Variants in NDUFA9 observed in about 807,000 individuals in gnomAD.
NDUFA9 encodes the protein NADH dehydrogenase [ubiquinone] 1 alpha subcomplex subunit 9, mitochondrial.
In NDUFA9, 23 loss-of-function variants were observed where a neutral mutation model predicts 45.9. The ratio of observed to expected loss-of-function variants is 0.50; its 90% confidence interval spans 0.36 to 0.71. The LOEUF (loss-of-function observed/expected upper bound fraction) is 0.71, where lower values mean the gene tolerates loss of function less well. Among genes scored for constraint, NDUFA9 ranks in the 30% least tolerant of loss-of-function variants. The probability of loss-of-function intolerance (pLI) is 0.00; values close to 1 mark genes in which losing one functional copy is unlikely to be tolerated. For synonymous variants in NDUFA9, 176 were observed against 170.5 expected, an observed-to-expected ratio of 1.03 and a Z score of -0.25; for missense variants, 466 against 488.2, an observed-to-expected ratio of 0.95 and a Z score of 0.43.
chr12:4,657,334 A>G (rs1337435992), intron 3 of NDUFA9: 1 of 161,178 alleles, frequency 6.2e-6, no homozygotes, highest in Non-Finnish European at 1.4e-5. Flanking sequence ...TTCAGTCTGT[A>G]AGTGGTTGCT....
chr12:4,654,255 A>G, intron 1 of NDUFA9, 37 bp from the exon 2 acceptor site: 1 of 1,554,970 alleles, frequency 6.4e-7, no homozygotes, highest in Non-Finnish European at 8.7e-7. Flanking sequence ...AAATATTAAT[A>G]TTTGCCATGC....
chr12:4,673,607 G>A (rs1945900896), intron 8 of NDUFA9, among the ~76,000 whole-genome samples: 1 of 127,432 alleles, frequency 7.8e-6, no homozygotes, highest in Non-Finnish European at 1.8e-5. Flanking sequence ...ACGAAATAAA[G>A]TGAAAAGACA....
rs184286793 is a variant in NDUFA9, at chr12:4,668,452, G to T, written c.656-5G>T. The T allele has an allele frequency of 5.6e-6, 9 of 1,611,862 alleles. No individual in the cohort carries two copies. The highest frequency in any genetic ancestry group is 7.6e-6 in the Non-Finnish European group (9 of 1,178,068). Reference sequence around the variant, plus strand: ...CAGTATAGTTCTCATTCTTTCTTCCGCTAGGTATGCATCGGTTTGGTCCTA... The same window carrying T: ...CAGTATAGTTCTCATTCTTTCTTCCTCTAGGTATGCATCGGTTTGGTCCTA... On this transcript the variant is annotated splice_polypyrimidine_tract_variant and splice_region_variant and intron_variant, in intron 6 of 10. Transcript: ENST00000266544.
chr12:4,656,881 C>T (rs1200414075), intron 3 of NDUFA9, among the ~76,000 whole-genome samples: 2 of 152,172 alleles, frequency 1.3e-5, no homozygotes, highest in African/African-American at 2.4e-5. Context: ...TGTCTTTTAA[C>T]CCACTTTCTA....
In NDUFA9 at chr12:4,693,493, C is replaced by G. The variant is rs1946028435; in HGVS notation, c.*6385C>G. ...CCCCCAGTTTACCAGCAGTGGTTAT[C>G]CTCTCTCCAAGACTGGGCCAGGGGT... On this transcript the variant is annotated 3_prime_UTR_variant, in exon 11 of 11. Transcript: ENST00000266544. 1 of 152,162 alleles carries G rather than the reference C, an allele frequency of 6.6e-6. No homozygotes were observed. The highest frequency in any genetic ancestry group is 1.5e-5 in the Non-Finnish European group (1 of 68,036). The allele number at this position is 152,162 out of a possible 1,614,324, so 9.4% of individuals were successfully genotyped here. A position where few individuals can be genotyped will look rare whatever the true frequency, so the allele number is the denominator to read the frequency against.
intron 9 of NDUFA9, among the ~76,000 whole-genome samples, chr12:4,684,502 G>A (rs1945972313): frequency 6.6e-6 from 1 of 152,108 alleles, no homozygotes; most frequent in African/African-American, 2.4e-5. Context: ...GGGCACAGTG[G>A]TGTACACCTG....
rs796431687 is a variant in NDUFA9, at chr12:4,691,953, G to A, written c.*4845G>A. On this transcript the variant is annotated 3_prime_UTR_variant, in exon 11 of 11. Coordinates refer to ENST00000266544, the MANE Select transcript of NDUFA9 (RefSeq NM_005002.5). ...CAAAGTTAGGCACATCCCACAGCAA[G>A]TGGGAGAAAGGAGTGCTATCTCCTT... is the stretch of plus-strand genomic sequence containing the variant. 1 of 152,224 alleles carries A rather than the reference G, an allele frequency of 6.6e-6. No homozygotes were observed. Among genetic ancestry groups the A allele is most frequent in the African/African-American group, 2.4e-5 (1 of 41,456 alleles). 9.4% of individuals were successfully genotyped at this position (152,224 alleles called of 1,614,324 possible).
intron 5 of NDUFA9, among the ~76,000 whole-genome samples, chr12:4,661,569 G>T (rs1019444255): frequency 2.0e-5 from 3 of 151,874 alleles, no homozygotes; most frequent in African/African-American, 7.3e-5. Context: ...GGTGGCTAGA[G>T]TAAAGGACAA....
intron 8 of NDUFA9, among the ~76,000 whole-genome samples, chr12:4,675,068 G>A (rs998147554): frequency 6.6e-6 from 1 of 152,034 alleles, no homozygotes; most frequent in African/African-American, 2.4e-5. Flanking sequence ...GAATGACTAC[G>A]GGCTAAATAA....
At chr12:4,653,461 C>T (rs1038177396) in intron 1 of NDUFA9, 2 of 305,392 alleles carry the variant, frequency 6.5e-6, no homozygotes, top group African/African-American at 2.3e-5. Flanking sequence ...AGGCAAAAGC[C>T]AGATGATTTC....
chr12:4,659,937 T>C (rs760846393), intron 5 of NDUFA9, among the ~76,000 whole-genome samples: 8 of 152,220 alleles, frequency 5.3e-5, no homozygotes, highest in Admixed American at 4.6e-4. Context: ...TTAAGCACTG[T>C]GGCTACGGTA....
At position 4,662,568 on chromosome 12, in the gene NDUFA9, G is replaced by T. The variant is rs138434279; in HGVS notation, c.588G>T (p.Pro196=). The change falls in exon 6 of 11, where the codon CCG becomes CCT. Residue 196 remains proline, a synonymous_variant. Transcript: ENST00000266544. The part of the protein sequence containing the change: ...VGEKVVRDAF[P]EAIIVKPSDI... The stretch of plus-strand genomic sequence containing the variant: ...AGAAAGTAGTGAGAGATGCATTTCC[G>T]GAAGCCATTATCGTAAAGCCGTCGG... 38 of 1,613,762 alleles carry T rather than the reference G, an allele frequency of 2.4e-5. No individual in the cohort carries two copies. The highest frequency in any genetic ancestry group is 2.8e-5 in the Non-Finnish European group (33 of 1,179,846).
In NDUFA9 at chr12:4,691,953, G is replaced by C. The variant is rs796431687; in HGVS notation, c.*4845G>C. The C allele has an allele frequency of 6.6e-6, 1 of 152,224 alleles. No individual in the cohort carries two copies. The highest frequency in any genetic ancestry group is 2.1e-4 in the South Asian group (1 of 4,822). The allele number at this position is 152,224 out of a possible 1,614,324, so 9.4% of individuals were successfully genotyped here. A position where few individuals can be genotyped will look rare whatever the true frequency, so the allele number is the denominator to read the frequency against. On this transcript the variant is annotated 3_prime_UTR_variant, in exon 11 of 11. Coordinates refer to ENST00000266544, the MANE Select transcript of NDUFA9 (RefSeq NM_005002.5). Reference sequence around the variant, plus strand: ...CAAAGTTAGGCACATCCCACAGCAAGTGGGAGAAAGGAGTGCTATCTCCTT... The same window carrying C: ...CAAAGTTAGGCACATCCCACAGCAACTGGGAGAAAGGAGTGCTATCTCCTT...
At position 4,687,244 on chromosome 12, in the gene NDUFA9, T is replaced by G; in HGVS notation, c.*136T>G. 1.3e-6 allele frequency: 1 copy of G among 774,364 alleles called. No homozygotes were observed. Among genetic ancestry groups the G allele is most frequent in the Non-Finnish European group, 1.9e-6 (1 of 516,850 alleles). The allele number at this position is 774,364 out of a possible 1,614,324, so 48.0% of individuals were successfully genotyped here. On this transcript the variant is annotated 3_prime_UTR_variant, in exon 11 of 11. Coordinates refer to ENST00000266544, the MANE Select transcript of NDUFA9 (RefSeq NM_005002.5). ...ACATTTCAGGTTGAATTCTGCAGTATTTTCTTCCTTGATTTACAAAATGAG... is the reference window on the plus strand; with the variant it reads ...ACATTTCAGGTTGAATTCTGCAGTAGTTTCTTCCTTGATTTACAAAATGAG...
At chr12:4,662,731 AT>A in intron 6 of NDUFA9, 96 bp downstream of exon 6, 1 of 956,018 alleles carries the variant, frequency 1.0e-6, no homozygotes, top group Non-Finnish European at 1.6e-6. Flanking sequence ...CAGACTAAGG[AT>A]ATATTTTTTC....
chr12:4,655,169 A>C (rs936489678), intron 3 of NDUFA9: 18 of 408,010 alleles, frequency 4.4e-5, no homozygotes, highest in African/African-American at 3.7e-4. Flanking sequence ...CAGGTCGTAG[A>C]GTCTTTGTCA....
intron 8 of NDUFA9, among the ~76,000 whole-genome samples, chr12:4,677,081 GA>G (rs1387060875): frequency 5.9e-5 from 9 of 152,150 alleles, no homozygotes; most frequent in Non-Finnish European, 1.3e-4. Flanking sequence ...ATGGTGTTGG[GA>G]AAACTGGCTA....
intron 1 of NDUFA9, among the ~76,000 whole-genome samples, chr12:4,651,726 C>G (rs1015738438): frequency 6.6e-6 from 1 of 152,132 alleles, no homozygotes; most frequent in African/African-American, 2.4e-5. Flanking sequence ...TTTTGCCTGT[C>G]TTATCCTATG....
intron 10 of NDUFA9, among the ~76,000 whole-genome samples, chr12:4,685,679 CTGAAGAAACTGTTGACAGTTTCTTCCT>C (rs56668646): frequency 0.57 from 86,839 of 151,838 alleles, 25,854 homozygotes; most frequent in Non-Finnish European, 0.67. Flanking sequence ...TCCTAACGTC[CTGAAGAAACTGTTGACAGTTTCTTCCT>C]TCTTTCTTTA....
Sources: gnomAD v4.1 joint callset for allele counts (sites outside exome capture counted in the v4.1 genomes callset) on GRCh38, gnomAD v4.1.1 for gene constraint, MANE v1.5 for transcripts, NCBI Gene and HGNC (gene_info 2026-07-23, HGNC 2026-07-21) for gene names.